ZBTB24: variants seen among roughly 807,000 people sequenced by gnomAD.
The protein encoded by ZBTB24 is zinc finger and BTB domain containing 24.
Under a neutral mutation model 53.8 loss-of-function variants are expected in ZBTB24, and 32 were observed. The observed-to-expected ratio is 0.60, with a 90% CI of 0.45 to 0.80. The LOEUF is 0.80. Among genes scored for constraint, ZBTB24 ranks in the 30% least tolerant of loss-of-function variants. ZBTB24 has a pLI of 0.00. For synonymous variants in ZBTB24, 297 were observed against 306.7 expected, an observed-to-expected ratio of 0.97 and a Z score of 0.33; for missense variants, 722 against 837.1, an observed-to-expected ratio of 0.86 and a Z score of 1.70.
chr6:109,476,813 T>C lies in ZBTB24; in HGVS notation c.1070A>G (p.Lys357Arg), dbSNP rs1776287185. 1.2e-6 allele frequency: 2 copies of C among 1,613,964 alleles called. No individual in the cohort carries two copies. Among genetic ancestry groups the C allele is most frequent in the Admixed American group, 1.7e-5 (1 of 60,004 alleles). Residue 357 changes from lysine to arginine, a missense_variant, in exon 3 of 7, where the codon AAG becomes AGG. Lys to Arg is a conservative substitution (Grantham distance 26). Coordinates refer to ENST00000230122, the MANE Select transcript of ZBTB24 (RefSeq NM_014797.3). ...ERPYTCTVCS[K>R]ALTTKHSLLE... is the part of the protein sequence containing the mutation. ...CAGTGAGTGCTTGGTGGTCAGAGCC[T>C]TGCTGCACACGGTGCAGGTGTACGG...
Position 109,481,557 on chromosome 6 carries a change from G to A in ZBTB24, c.470C>T (p.Pro157Leu). 6.2e-7 allele frequency: 1 copy of A among 1,614,174 alleles called. No individual in the cohort carries two copies. The change falls in exon 2 of 7, where the codon CCT becomes CTT. Residue 157 changes from proline to leucine, a missense_variant. Coordinates refer to ENST00000230122, the MANE Select transcript of ZBTB24 (RefSeq NM_014797.3). The part of the protein sequence containing the change: ...VVVISNKKND[P>L]PKRKRGRPKK... ...TGGTCTTCCCCGTTTCCGCTTTGGAGGATCGTTTTTCTTATTAGAGATAAC... is the reference window on the plus strand; with the variant it reads ...TGGTCTTCCCCGTTTCCGCTTTGGAAGATCGTTTTTCTTATTAGAGATAAC...
Position 109,465,773 on chromosome 6 carries a change from C to G in ZBTB24, c.*78G>C. 4 of 1,613,668 alleles carry G rather than the reference C, an allele frequency of 2.5e-6. No individual in the cohort carries two copies. The highest frequency in any genetic ancestry group is 2.2e-5 in the South Asian group (2 of 91,082). On this transcript the variant is annotated 3_prime_UTR_variant, in exon 7 of 7. Transcript: ENST00000230122. ...TCTGCAAGTCAATGGTGTGGAGAGC[C>G]TGATTTCAAGCGTTCAAAATCCAGT...
chr6:109,476,088 A>G, intron 4 of ZBTB24, 87 bp downstream of exon 4: 3 of 1,469,886 alleles, frequency 2.0e-6, no homozygotes, highest in South Asian at 1.2e-5. Context: ...ATGTGCTAAG[A>G]GCAGAACAAT....
At chr6:109,479,246 C>A (rs1776345314) in intron 2 of ZBTB24, among the ~76,000 whole-genome samples, 1 of 152,220 alleles carries the variant, frequency 6.6e-6, no homozygotes, top group South Asian at 2.1e-4. Context: ...AATACAGATG[C>A]TTCCTGACTT....
Position 109,481,547 on chromosome 6 carries a change from C to A in ZBTB24, c.480G>T (p.Arg160=), listed in dbSNP as rs773812202. The change falls in exon 2 of 7, where the codon CGG becomes CGT. Residue 160 remains arginine, a synonymous_variant. Coordinates refer to ENST00000230122, the MANE Select transcript of ZBTB24 (RefSeq NM_014797.3). ...ISNKKNDPPK[R]KRGRPKKVNT... Reference sequence around the variant, plus strand: ...TGACTTTTTTTGGTCTTCCCCGTTTCCGCTTTGGAGGATCGTTTTTCTTAT... The same window carrying A: ...TGACTTTTTTTGGTCTTCCCCGTTTACGCTTTGGAGGATCGTTTTTCTTAT... 1 of 1,614,206 alleles carries A rather than the reference C, an allele frequency of 6.2e-7. No homozygotes were observed. The highest frequency in any genetic ancestry group is 2.2e-5 in the East Asian group (1 of 44,890).
At chr6:109,475,562 C>A in intron 4 of ZBTB24, 80 bp from the exon 5 acceptor site, 1 of 1,520,522 alleles carries the variant, frequency 6.6e-7, no homozygotes, top group Non-Finnish European at 9.1e-7. Context: ...TAAAGCACTT[C>A]CCTGAAAAAT....
At position 109,475,498 on chromosome 6, in the gene ZBTB24, A is replaced by G. The variant is rs1212999359; in HGVS notation, c.1205-16T>C. 2 of 1,614,112 alleles carry G rather than the reference A, an allele frequency of 1.2e-6. No homozygotes were observed. The highest frequency in any genetic ancestry group is 1.7e-5 in the Admixed American group (1 of 60,028). On this transcript the variant is annotated splice_polypyrimidine_tract_variant and intron_variant, in intron 4 of 6. Transcript: ENST00000230122. ...AATGAGTGGCCTTGTCGCAACAATA[A>G]AAAAAGTGTCAGTGCATACATGCTC...
At chr6:109,471,021 T>G in intron 5 of ZBTB24, among the ~76,000 whole-genome samples, 1 of 152,384 alleles carries the variant, frequency 6.6e-6, no homozygotes, top group East Asian at 1.9e-4. Flanking sequence ...ATGCTGCCTA[T>G]GATGAATATC....
rs751424446 is a variant in ZBTB24 at position 109,481,298 on chromosome 6, G to A, written c.729C>T (p.Thr243=). 20 of 1,613,950 alleles carry A rather than the reference G, an allele frequency of 1.2e-5. No homozygotes were observed. The highest frequency in any genetic ancestry group is 9.9e-5 in the South Asian group (9 of 91,088). Residue 243 remains threonine, a synonymous_variant, in exon 2 of 7, where the codon ACC becomes ACT. Transcript: ENST00000230122. The part of the protein sequence containing the change: ...VEKDENYDPK[T]EDGQASQSRY... Reference sequence around the variant, plus strand: ...GACTCTGGCTTGCCTGGCCATCCTCGGTCTTGGGATCATAGTTCTCATCTT... The same window carrying A: ...GACTCTGGCTTGCCTGGCCATCCTCAGTCTTGGGATCATAGTTCTCATCTT...
At chr6:109,478,946 G>GA (rs1204115446) in intron 2 of ZBTB24, among the ~76,000 whole-genome samples, 1 of 149,970 alleles carries the variant, frequency 6.7e-6, no homozygotes, top group African/African-American at 2.5e-5. Flanking sequence ...AAAACATTTA[G>GA]AAAAAAAAGA....
At chr6:109,475,109 T>C (rs988167316) in intron 5 of ZBTB24, among the ~76,000 whole-genome samples, 3 of 147,464 alleles carry the variant, frequency 2.0e-5, no homozygotes, top group Non-Finnish European at 4.5e-5. Context: ...GAGTGAAACA[T>C]AGAACCAGAC....
At chr6:109,477,069 G>A (rs1413333213) in intron 2 of ZBTB24, 139 bp from the exon 3 acceptor site, 73 of 1,248,740 alleles carry the variant, frequency 5.8e-5, no homozygotes, top group Non-Finnish European at 7.7e-5. Context: ...AGAGACATCA[G>A]CAATAAAATT....
chr6:109,471,874 A>T (rs2115357774), intron 5 of ZBTB24, among the ~76,000 whole-genome samples: 1 of 152,246 alleles, frequency 6.6e-6, no homozygotes. Context: ...ACAAGATGTG[A>T]GCAGAAGGGC....
Position 109,466,470 on chromosome 6 carries a change from C to T in ZBTB24, c.1475G>A (p.Cys492Tyr). The T allele has an allele frequency of 1.2e-6, 2 of 1,614,204 alleles. No individual in the cohort carries two copies. Among genetic ancestry groups the T allele is most frequent in the Non-Finnish European group, 1.7e-6 (2 of 1,180,050 alleles). Residue 492 changes from cysteine to tyrosine, a missense_variant, in exon 7 of 7, where the codon TGC becomes TAC. Physicochemically the swap from Cys to Tyr is radical, Grantham distance 194 (BLOSUM62 -2). Transcript: ENST00000230122. ...ILHTGKKPFSCPECNLQFARL... is the reference protein window; with the variant it reads ...ILHTGKKPFSYPECNLQFARL... ...AGCAAACTGTAAGTTACACTCAGGG[C>T]AGGAGAAAGGCTTCTTGCCAGTGTG...
intron 5 of ZBTB24, among the ~76,000 whole-genome samples, chr6:109,471,742 G>A (rs1265590004): frequency 3.3e-5 from 5 of 152,170 alleles, no homozygotes; most frequent in South Asian, 2.1e-4. Context: ...GGAAGGAGGT[G>A]CTGTGGGCAA....
At position 109,476,860 on chromosome 6, in the gene ZBTB24, G is replaced by C; in HGVS notation, c.1023C>G (p.Thr341=). Residue 341 remains threonine (T), a synonymous_variant, in exon 3 of 7, where the codon ACC becomes ACG. Coordinates refer to ENST00000230122, the MANE Select transcript of ZBTB24 (RefSeq NM_014797.3). ...FAQKHSLQVH[T]RMHTGERPYT... Reference sequence around the variant, plus strand: ...ACGGCCGCTCGCCTGTGTGCATCCTGGTGTGGACCTGTAGCGAGTGCTTCT... The same window carrying C: ...ACGGCCGCTCGCCTGTGTGCATCCTCGTGTGGACCTGTAGCGAGTGCTTCT... 6.2e-7 allele frequency: 1 copy of C among 1,614,154 alleles called. No homozygotes were observed.
chr6:109,481,112 G>A lies in ZBTB24; in HGVS notation c.915C>T (p.Tyr305=). 1 of 1,614,194 alleles carries A rather than the reference G, an allele frequency of 6.2e-7. No homozygotes were observed. The highest frequency in any genetic ancestry group is 8.5e-7 in the Non-Finnish European group (1 of 1,180,036). The change falls in exon 2 of 7, where the codon TAC becomes TAT. Residue 305 remains tyrosine, a synonymous_variant. Coordinates refer to ENST00000230122, the MANE Select transcript of ZBTB24 (RefSeq NM_014797.3). ...RCKDCGKVFK[Y]NHFLAIHQRS... Reference sequence around the variant, plus strand: ...TCTGGTGGATTGCTAAAAAGTGATTGTACTTAAAGACCTTGCCACAGTCTT... The same window carrying A: ...TCTGGTGGATTGCTAAAAAGTGATTATACTTAAAGACCTTGCCACAGTCTT...
intron 5 of ZBTB24, among the ~76,000 whole-genome samples, chr6:109,472,621 C>T (rs1017587191): frequency 6.6e-6 from 1 of 152,154 alleles, no homozygotes; most frequent in Non-Finnish European, 1.5e-5. Context: ...ACAGCGCCAC[C>T]CACTATTTGC....
intron 2 of ZBTB24, 149 bp downstream of exon 2, chr6:109,480,926 A>G: frequency 6.7e-7 from 1 of 1,492,286 alleles, no homozygotes; most frequent in Non-Finnish European, 8.9e-7. Context: ...ACCTTGCAGG[A>G]TTGTGGAGAA....
Sources: gnomAD v4.1 joint callset for allele counts (sites outside exome capture counted in the v4.1 genomes callset) on GRCh38, gnomAD v4.1.1 for gene constraint, MANE v1.5 for transcripts, NCBI Gene and HGNC (gene_info 2026-07-23, HGNC 2026-07-21) for gene names.